The following STRN4 variants were observed in gnomAD, a reference collection of about 807,000 sequenced individuals.
STRN4 encodes striatin 4, also known as striatin-4.
Under a neutral mutation model 77.9 loss-of-function variants are expected in STRN4, and 27 were observed. The observed-to-expected ratio is 0.35, with a 90% CI of 0.26 to 0.48. The LOEUF is 0.48. STRN4 is among the 20% of genes least tolerant of loss of function. The probability of loss-of-function intolerance (pLI) is 0.99; values close to 1 mark genes in which losing one functional copy is unlikely to be tolerated. For missense variants in STRN4, 798 were observed against 1,049.7 expected (o/e 0.76, Z 3.31); for synonymous variants, 466 against 443.1 (o/e 1.05, Z -0.65).
chr19:46,720,401 ACCCCT>A, intron 17 of STRN4, 63 bp from the exon 18 acceptor site: 1 of 604,632 alleles, frequency 1.7e-6, no homozygotes, highest in Non-Finnish European at 2.5e-6. Context: ...TAAGGCCTCA[ACCCCT>A]CCCCTGCATG....
chr19:46,728,022 C>A lies in STRN4; in HGVS notation c.1040-15G>T, dbSNP rs372686898. 107 of 1,611,518 alleles carry A rather than the reference C, an allele frequency of 6.6e-5. No homozygotes were observed. The highest frequency in any genetic ancestry group is 7.8e-5 in the Non-Finnish European group (92 of 1,179,004). On this transcript the variant is annotated splice_polypyrimidine_tract_variant and intron_variant, in intron 7 of 17. Coordinates refer to ENST00000263280, the MANE Select transcript of STRN4 (RefSeq NM_013403.3). The stretch of plus-strand genomic sequence containing the variant: ...CCGACGGCTTTCTGCAGGGTCGAGG[C>A]ATAGGGCCGGAGTCACCCAGCAGTT...
At position 46,738,247 on chromosome 19, in the gene STRN4, C is replaced by A. The variant is rs1599890604; in HGVS notation, c.387-10G>T. The stretch of plus-strand genomic sequence containing the variant: ...TTTATGATATTTGGCCCTAAAAGAG[C>A]AAATGATTAATGAATAAGAGATGCG... On this transcript the variant is annotated splice_polypyrimidine_tract_variant and intron_variant, in intron 2 of 17. Transcript: ENST00000263280. The surrounding 1 kb of genome is among the most constrained non-coding windows in gnomAD (Gnocchi z 4.5). The A allele has an allele frequency of 5.6e-6, 9 of 1,613,208 alleles. No homozygotes were observed. The East Asian group carries it at 2.0e-4, about 36-fold the overall frequency.
At chr19:46,726,739 G>C (rs1438804154) in intron 9 of STRN4, among the ~76,000 whole-genome samples, 1 of 152,194 alleles carries the variant, frequency 6.6e-6, no homozygotes. Context: ...GCCCCAAGAT[G>C]GGCTCCCAGC....
At chr19:46,722,493 G>A (rs952068621) in intron 14 of STRN4, among the ~76,000 whole-genome samples, 153 bp from the exon 15 acceptor site, 9 of 151,814 alleles carry the variant, frequency 5.9e-5, no homozygotes, top group South Asian at 2.1e-4. Flanking sequence ...CGACCGCAGC[G>A]CTGGTTCTGC....
chr19:46,746,039 G>GCCCCCCCC, intron 1 of STRN4, 110 bp downstream of exon 1: 1 of 903,292 alleles, frequency 1.1e-6, no homozygotes, highest in Non-Finnish European at 1.4e-6. Flanking sequence ...CCGCCCCCCC[G>GCCCCCCCC]CCGGCCGTCC....
rs780552964 is a variant in STRN4, at chr19:46,733,245, G to A, written c.540-9C>T. ...CCACCTCTTCCAGGTACCTGCAGGG[G>A]TGCAGAGCCACGTGGGTCAGACATC... On this transcript the variant is annotated splice_polypyrimidine_tract_variant and intron_variant, in intron 4 of 17. Coordinates refer to ENST00000263280, the MANE Select transcript of STRN4 (RefSeq NM_013403.3). The surrounding 1 kb of genome is among the most constrained non-coding windows in gnomAD (Gnocchi z 4.3). The A allele has an allele frequency of 9.3e-6, 15 of 1,607,886 alleles. No homozygotes were observed. The highest frequency in any genetic ancestry group is 1.2e-5 in the Non-Finnish European group (14 of 1,179,500).
At position 46,727,876 on chromosome 19, in the gene STRN4, G is replaced by A. The variant is rs779205301; in HGVS notation, c.1153+18C>T. ...CATGGGCCCGCAGGACTGGGACCAGGTGGGGGGTGCCTCTTACCTTCATGT... is the reference window on the plus strand; with the variant it reads ...CATGGGCCCGCAGGACTGGGACCAGATGGGGGGTGCCTCTTACCTTCATGT... On this transcript the variant is annotated intron_variant, in intron 8 of 17. Coordinates refer to ENST00000263280, the MANE Select transcript of STRN4 (RefSeq NM_013403.3). The A allele has an allele frequency of 7.6e-6, 12 of 1,579,790 alleles. No individual in the cohort carries two copies. The highest frequency in any genetic ancestry group is 4.0e-5 in the African/African-American group (3 of 74,532).
chr19:46,725,476 T>C lies in STRN4; in HGVS notation c.1421A>G (p.Lys474Arg). The C allele has an allele frequency of 1.2e-6, 2 of 1,613,942 alleles. No individual in the cohort carries two copies. The highest frequency in any genetic ancestry group is 8.5e-7 in the Non-Finnish European group (1 of 1,179,938). The change falls in exon 10 of 18, where the codon AAG becomes AGG. Residue 474 changes from lysine (K) to arginine (R), a missense_variant. By Grantham distance (26) the Lys-to-Arg change is conservative. Coordinates refer to ENST00000263280, the MANE Select transcript of STRN4 (RefSeq NM_013403.3). Reference protein sequence around the residue: ...LWNLQKAVTAKKNAALDVEPI... With the variant: ...LWNLQKAVTARKNAALDVEPI... ...GCTCTGAGCTTGCTGCCCTCACTTC[T>C]TGGCCGTGACCGCCTTCTGCAGGTT...
At chr19:46,728,935 G>T in intron 6 of STRN4, 158 bp from the exon 7 acceptor site, 1 of 1,016,674 alleles carries the variant, frequency 9.8e-7, no homozygotes, top group South Asian at 1.7e-5. Flanking sequence ...CCCCTGCTGG[G>T]CCTTGGACAG....
chr19:46,725,656 T>TG lies in STRN4; in HGVS notation c.1249-9dup. Reference sequence around the variant, plus strand: ...ATCTTTGCTGTCAGACAGCTGGGGTTGGGGGGAGCTGCCTCAGTGTCTTCG... The same window carrying TG: ...ATCTTTGCTGTCAGACAGCTGGGGTTGGGGGGGAGCTGCCTCAGTGTCTTCG... On this transcript the variant is annotated splice_polypyrimidine_tract_variant and intron_variant, in intron 9 of 17. Transcript: ENST00000263280. The TG allele has an allele frequency of 6.2e-7, 1 of 1,612,728 alleles. No individual in the cohort carries two copies. The highest frequency in any genetic ancestry group is 8.5e-7 in the Non-Finnish European group (1 of 1,179,058).
intron 9 of STRN4, 32 bp from the exon 10 acceptor site, chr19:46,725,680 C>T (rs766504793): frequency 1.6e-5 from 26 of 1,606,170 alleles, no homozygotes; most frequent in East Asian, 8.9e-5. Flanking sequence ...TCAGTGTCTT[C>T]GCATCCATCC....
At chr19:46,737,104 G>C (rs373759841) in intron 3 of STRN4, among the ~76,000 whole-genome samples, 1 of 152,146 alleles carries the variant, frequency 6.6e-6, no homozygotes, top group South Asian at 2.1e-4. Flanking sequence ...TAGGTCTCCT[G>C]ACTGGTGGTT....
At position 46,722,609 on chromosome 19, in the gene STRN4, C is replaced by T. The variant is rs572570550; in HGVS notation, c.1906+201G>A. Among the ~76,000 whole-genome samples the T allele has an allele frequency of 7.4e-3, 1,130 of 152,338 alleles. 10 individuals are homozygous for T. Among genetic ancestry groups the T allele is most frequent in the African/African-American group, 0.026 (1,093 of 41,576 alleles). On this transcript the variant is annotated intron_variant, in intron 14 of 17. Transcript: ENST00000263280. Reference sequence around the variant, plus strand: ...GGCCCGACGGGGCGGCCCTGACGCGCTCTCCCCACTCAGCCCCGCCAGTGC... The same window carrying T: ...GGCCCGACGGGGCGGCCCTGACGCGTTCTCCCCACTCAGCCCCGCCAGTGC...
chr19:46,724,714 T>A (rs1266650226), intron 12 of STRN4, 93 bp downstream of exon 12: 2 of 1,575,948 alleles, frequency 1.3e-6, no homozygotes, highest in South Asian at 2.3e-5. Flanking sequence ...AGGCCTGCAG[T>A]GTTGGCAAGA....
intron 17 of STRN4, 39 bp downstream of exon 17, chr19:46,720,497 G>A (rs2053951394): frequency 7.5e-7 from 1 of 1,328,738 alleles, no homozygotes; most frequent in South Asian, 1.7e-5. Flanking sequence ...ACTAGGCATG[G>A]GCGTGCAGAG....
At chr19:46,722,411 C>T (rs1225274507) in intron 14 of STRN4, 71 bp from the exon 15 acceptor site, 19 of 1,477,170 alleles carry the variant, frequency 1.3e-5, no homozygotes, top group African/African-American at 2.8e-5. Context: ...GAGGCACAAG[C>T]GCAGCGTGAC....
chr19:46,742,345 G>C (rs1313001818), intron 1 of STRN4, among the ~76,000 whole-genome samples: 1 of 152,064 alleles, frequency 6.6e-6, no homozygotes, highest in Non-Finnish European at 1.5e-5. Context: ...TCGCACGGCA[G>C]GTCTTCTGCT....
In STRN4 at chr19:46,727,944, G is replaced by C; in HGVS notation, c.1103C>G (p.Pro368Arg). The part of the protein sequence containing the change: ...ADLRDVDGLP[P>R]KVTGPPPGTP... Reference sequence around the variant, plus strand: ...GCCAGGAGGCGGGCCAGTCACTTTTGGGGGCAGCCCATCCACATCCCGCAG... The same window carrying C: ...GCCAGGAGGCGGGCCAGTCACTTTTCGGGGCAGCCCATCCACATCCCGCAG... Residue 368 changes from proline (P) to arginine (R), a missense_variant, in exon 8 of 18, where the codon CCA (proline) becomes CGA (arginine). By Grantham distance (103) the Pro-to-Arg change is moderately radical. Coordinates refer to ENST00000263280, the MANE Select transcript of STRN4 (RefSeq NM_013403.3). 1.9e-6 allele frequency: 3 copies of C among 1,613,570 alleles called. No individual in the cohort carries two copies. The highest frequency in any genetic ancestry group is 2.2e-5 in the East Asian group (1 of 44,874).
In STRN4 at chr19:46,733,110, A is replaced by G. The variant is rs763701901; in HGVS notation, c.666T>C (p.Ala222=). The G allele has an allele frequency of 6.2e-7, 1 of 1,613,318 alleles. No homozygotes were observed. Among genetic ancestry groups the G allele is most frequent in the South Asian group, 1.1e-5 (1 of 91,072 alleles). Residue 222 remains alanine (A), a synonymous_variant, in exon 5 of 18, where the codon GCT becomes GCC. Coordinates refer to ENST00000263280, the MANE Select transcript of STRN4 (RefSeq NM_013403.3). This position sits in a 1 kb window ranked among gnomAD's most constrained non-coding sequence, Gnocchi z 4.3. ...AVEPSEGAPR[A]PPGPAGLSGG... ...CACTGAGCCCTGCAGGGCCTGGTGG[A>G]GCCCTGGGGGCCCCTTCACTCGGCT... is the stretch of plus-strand genomic sequence containing the variant.
Sources: allele counts gnomAD v4.1 joint callset (sites outside exome capture counted in the v4.1 genomes callset), GRCh38; gene constraint gnomAD v4.1.1; non-coding constraint Gnocchi (gnomAD v3.1); transcripts MANE v1.5; gene names NCBI Gene and HGNC (gene_info 2026-07-23, HGNC 2026-07-21).